Variants in GRIK2 observed in about 807,000 individuals in gnomAD.
GRIK2 encodes glutamate ionotropic receptor kainate type subunit 2.
GRIK2 carries 32 observed loss-of-function variants against 100.3 expected under a neutral mutation model. The ratio of observed to expected loss-of-function variants is 0.32; its 90% CI spans 0.24 to 0.43. GRIK2 has a LOEUF of 0.43. Ranked by LOEUF, GRIK2 falls within the 20% of genes least tolerant of loss-of-function variation. GRIK2 has a pLI of 1.00. For missense variants in GRIK2, 843 were observed against 1,114.9 expected (o/e 0.76, Z 3.47); for synonymous variants, 417 against 389.4 (o/e 1.07, Z -0.83).
At chr6:101,413,944 C>A (rs897479943) in intron 2 of GRIK2, among the ~76,000 whole-genome samples, 1 of 152,052 alleles carries the variant, frequency 6.6e-6, no homozygotes, top group African/African-American at 2.4e-5. Context: ...TTTATTTATT[C>A]TTTCAATCAT....
chr6:101,587,839 C>A (rs1778452575), intron 2 of GRIK2, among the ~76,000 whole-genome samples: 1 of 152,008 alleles, frequency 6.6e-6, no homozygotes, highest in South Asian at 2.1e-4. Flanking sequence ...GCAGAGGTTT[C>A]TATGCACAGA....
intron 2 of GRIK2, among the ~76,000 whole-genome samples, chr6:101,435,497 G>GT (rs1444070779): frequency 6.6e-6 from 1 of 151,532 alleles, no homozygotes; most frequent in East Asian, 1.9e-4. Context: ...CACTTTTCCA[G>GT]TTTTTTCATT....
chr6:101,686,967 A>G (rs1348288629), intron 7 of GRIK2, among the ~76,000 whole-genome samples: 1 of 152,070 alleles, frequency 6.6e-6, no homozygotes. Context: ...TACAATAAAA[A>G]TCTAATGGCA....
chr6:101,447,947 G>C (rs1338165), intron 2 of GRIK2, among the ~76,000 whole-genome samples: 54,090 of 151,300 alleles, frequency 0.36, 9,930 homozygotes, highest in Admixed American at 0.43. Context: ...GTACTTCTTA[G>C]AAGTGAACTC....
intron 7 of GRIK2, among the ~76,000 whole-genome samples, chr6:101,709,824 G>C (rs905212849): frequency 3.3e-5 from 5 of 151,646 alleles, no homozygotes; most frequent in African/African-American, 1.2e-4. Flanking sequence ...TTATCTCTCA[G>C]CTTCAGGGTT....
At chr6:101,584,930 A>G (rs1778281424) in intron 2 of GRIK2, among the ~76,000 whole-genome samples, 1 of 151,924 alleles carries the variant, frequency 6.6e-6, no homozygotes, top group Non-Finnish European at 1.5e-5. Flanking sequence ...TGAAATGTTG[A>G]GATTTCAGTA....
intron 4 of GRIK2, among the ~76,000 whole-genome samples, chr6:101,648,144 T>A (rs1781615840): frequency 6.6e-6 from 1 of 152,054 alleles, no homozygotes; most frequent in South Asian, 2.1e-4. Context: ...AATAATTATG[T>A]TTCAGACTTG....
At chr6:101,483,792 T>TCTCCTGAC (rs1290444722) in intron 2 of GRIK2, among the ~76,000 whole-genome samples, 5 of 152,164 alleles carry the variant, frequency 3.3e-5, no homozygotes, top group African/African-American at 9.7e-5. Context: ...GCCAGGCTGG[T>TCTCCTGAC]CTCCTGACCT....
intron 16 of GRIK2, among the ~76,000 whole-genome samples, chr6:102,058,056 C>T (rs1771550582): frequency 6.6e-6 from 1 of 151,742 alleles, no homozygotes. Flanking sequence ...ATTTCAGGTA[C>T]TGTCATAATC....
At chr6:101,619,355 T>C (rs1391967836) in intron 2 of GRIK2, among the ~76,000 whole-genome samples, 2 of 151,846 alleles carry the variant, frequency 1.3e-5, no homozygotes, top group Admixed American at 6.6e-5. Flanking sequence ...AAATGGGTTA[T>C]CCTAAGGAAA....
At chr6:101,990,163 A>T (rs1794279536) in intron 14 of GRIK2, among the ~76,000 whole-genome samples, 1 of 151,672 alleles carries the variant, frequency 6.6e-6, no homozygotes. Context: ...CCACCCTAAT[A>T]GTACAGTGAG....
chr6:101,840,446 A>G (rs1783419306), intron 10 of GRIK2, among the ~76,000 whole-genome samples: 2 of 152,130 alleles, frequency 1.3e-5, no homozygotes, highest in African/African-American at 2.4e-5. Flanking sequence ...TTTATTGGAT[A>G]CTCTTAATGA....
At chr6:101,679,316 T>G (rs1030194532) in intron 5 of GRIK2, among the ~76,000 whole-genome samples, 2 of 152,192 alleles carry the variant, frequency 1.3e-5, no homozygotes, top group Admixed American at 1.3e-4. Context: ...AAAAATAAAC[T>G]GGTTGCATAT....
At chr6:102,064,383 TTTC>T (rs1332620146) in intron 16 of GRIK2, among the ~76,000 whole-genome samples, 3 of 142,828 alleles carry the variant, frequency 2.1e-5, no homozygotes, top group Non-Finnish European at 3.1e-5. Context: ...TCTTTCTTTC[TTTC>T]CTTTCTCTCT....
chr6:101,508,813 CT>C (rs2128277107), intron 2 of GRIK2, among the ~76,000 whole-genome samples: 1 of 152,222 alleles, frequency 6.6e-6, no homozygotes, highest in Admixed American at 6.5e-5. Flanking sequence ...ATCTTTAGGA[CT>C]TTAGGTAAAT....
intron 7 of GRIK2, among the ~76,000 whole-genome samples, chr6:101,742,824 G>T (rs1358406367): frequency 6.6e-6 from 1 of 152,120 alleles, no homozygotes; most frequent in Non-Finnish European, 1.5e-5. Flanking sequence ...CTTAAAGTCT[G>T]TGTTGATGTT....
intron 14 of GRIK2, among the ~76,000 whole-genome samples, chr6:101,943,177 C>T (rs1791064087): frequency 6.6e-6 from 1 of 152,194 alleles, no homozygotes; most frequent in Non-Finnish European, 1.5e-5. Flanking sequence ...AAGCCCCAAA[C>T]CTTGGCAGCT....
chr6:101,623,425 T>C (rs1228153738), intron 3 of GRIK2, among the ~76,000 whole-genome samples: 1 of 152,082 alleles, frequency 6.6e-6, no homozygotes, highest in Non-Finnish European at 1.5e-5. Flanking sequence ...AATTGCAAAA[T>C]AAATCATTAA....
At chr6:101,669,165 C>A (rs919121144) in intron 4 of GRIK2, among the ~76,000 whole-genome samples, 2 of 151,978 alleles carry the variant, frequency 1.3e-5, no homozygotes, top group Admixed American at 1.3e-4. Context: ...ATCATTACAT[C>A]AATTAATTAC....
Sources: gnomAD v4.1 joint callset for allele counts (sites outside exome capture counted in the v4.1 genomes callset) on GRCh38, gnomAD v4.1.1 for gene constraint, MANE v1.5 for transcripts, NCBI Gene and HGNC (gene_info 2026-07-23, HGNC 2026-07-21) for gene names.